The following PRAG1 variants were observed in gnomAD, a reference collection of about 807,000 sequenced individuals.
The protein encoded by PRAG1 is PEAK1 related, kinase-activating pseudokinase 1, also known as inactive tyrosine-protein kinase PRAG1.
PRAG1 carries 110 observed loss-of-function variants against 95.6 expected under a neutral mutation model. The ratio of observed to expected loss-of-function variants is 1.15; its 90% CI spans 0.99 to 1.35. The LOEUF (loss-of-function observed/expected upper bound fraction) is 1.35. Among genes scored for constraint, PRAG1 ranks in the 40% most tolerant of loss-of-function variants. The probability of loss-of-function intolerance (pLI) is 0.00; values close to 1 mark genes in which losing one functional copy is unlikely to be tolerated. For synonymous variants in PRAG1, 1,052 were observed against 819.4 expected, an observed-to-expected ratio of 1.28 and a Z score of -4.85; for missense variants, 2,554 against 1,864.7, an observed-to-expected ratio of 1.37 and a Z score of -6.81.
chr8:8,344,954 CT>C (rs1799284129), intron 3 of PRAG1, among the ~76,000 whole-genome samples: 1 of 151,948 alleles, frequency 6.6e-6, no homozygotes, highest in African/African-American at 2.4e-5. Flanking sequence ...TCTATAGTTA[CT>C]ATAGCAGAAG....
intron 4 of PRAG1, among the ~76,000 whole-genome samples, chr8:8,330,329 G>A (rs1283206100): frequency 3.9e-5 from 6 of 152,188 alleles, no homozygotes; most frequent in Admixed American, 1.3e-4. Context: ...CTGTGCCACC[G>A]CACTCCCACC....
At chr8:8,357,638 CA>C (rs1799722916) in intron 3 of PRAG1, among the ~76,000 whole-genome samples, 1 of 152,112 alleles carries the variant, frequency 6.6e-6, no homozygotes, top group Non-Finnish European at 1.5e-5. Context: ...GGCAGTTCCT[CA>C]AAAAATTAGA....
intron 3 of PRAG1, among the ~76,000 whole-genome samples, chr8:8,352,373 G>A (rs2116870128): frequency 6.6e-6 from 1 of 152,234 alleles, no homozygotes; most frequent in Middle Eastern, 3.4e-3. Flanking sequence ...CCTCATTCCT[G>A]TACCAGGCAG....
Position 8,377,726 on chromosome 8 carries a change from A to C in PRAG1, c.683T>G (p.Leu228Arg). 6.2e-7 allele frequency: 1 copy of C among 1,613,814 alleles called. No individual in the cohort carries two copies. The highest frequency in any genetic ancestry group is 2.2e-5 in the East Asian group (1 of 44,848). ...TSGCHQGPGP[L>R]RESLPSEDDS... ...ATCCTCCGAGGGCAGGGATTCCCGC[A>C]GGGGCCCAGGGCCCTGGTGACAGCC... Residue 228 changes from leucine (L) to arginine (R), a missense_variant, in exon 3 of 6, where the codon CTG becomes CGG. Transcript: ENST00000615670.
chr8:8,328,772 G>A (rs1006820464), intron 4 of PRAG1, among the ~76,000 whole-genome samples: 1 of 150,028 alleles, frequency 6.7e-6, no homozygotes, highest in South Asian at 2.1e-4. Flanking sequence ...GCCTGCACGC[G>A]TGCGCACACA....
chr8:8,318,849 CGGCGGG>C lies in PRAG1; in HGVS notation c.3520_3525del (p.Pro1174_Ala1175del). The C allele has an allele frequency of 1.1e-6, 1 of 930,336 alleles. No individual in the cohort carries two copies. Among genetic ancestry groups the C allele is most frequent in the Non-Finnish European group, 1.3e-6 (1 of 768,008 alleles). 57.6% of individuals were successfully genotyped at this position (930,336 alleles called of 1,614,324 possible). A position where few individuals can be genotyped will look rare whatever the true frequency, so the allele number is the denominator to read the frequency against. On this transcript the variant is annotated inframe_deletion, in exon 6 of 6. Transcript: ENST00000615670. The surrounding 1 kb of genome is among the most constrained non-coding windows in gnomAD (Gnocchi z 4.2). ...GCAGAGGAGCAGGGAGGCGCGGCGGCGGCGGGGGCGGGAGCCGGGGCGGGGGCGGGG... is the reference window on the plus strand; with the variant it reads ...GCAGAGGAGCAGGGAGGCGCGGCGGCGGCGGGAGCCGGGGCGGGGGCGGGG...
Position 8,340,195 on chromosome 8 carries a change from G to C in PRAG1, c.2163-560C>G, listed in dbSNP as rs79472536. Among the ~76,000 whole-genome samples the C allele has an allele frequency of 4.3e-3, 660 of 152,318 alleles. 5 individuals are homozygous for C. The highest frequency in any genetic ancestry group is 0.015 in the African/African-American group (615 of 41,572). ...AACCAGACTTCCAGTGACATGCTTAGATAGAAACAAATTGACATAACCCTT... is the reference window on the plus strand; with the variant it reads ...AACCAGACTTCCAGTGACATGCTTACATAGAAACAAATTGACATAACCCTT... On this transcript the variant is annotated intron_variant, in intron 3 of 5. Coordinates refer to ENST00000615670, the MANE Select transcript of PRAG1 (RefSeq NM_001080826.3).
intron 2 of PRAG1, among the ~76,000 whole-genome samples, chr8:8,380,464 C>T (rs894744923): frequency 4.9e-4 from 75 of 151,916 alleles, no homozygotes; most frequent in African/African-American, 1.7e-3. Context: ...TTGGGCATGG[C>T]AGTATGTACC....
At chr8:8,330,083 G>A (rs1798771449) in intron 4 of PRAG1, among the ~76,000 whole-genome samples, 1 of 152,072 alleles carries the variant, frequency 6.6e-6, no homozygotes, top group Non-Finnish European at 1.5e-5. Context: ...GACTCAACAG[G>A]GGCTGGGCAC....
intron 3 of PRAG1, among the ~76,000 whole-genome samples, chr8:8,346,826 G>A (rs1799358765): frequency 6.6e-6 from 1 of 152,110 alleles, no homozygotes. Context: ...CTTTTGTTTG[G>A]TTCACATACA....
chr8:8,378,027 C>T lies in PRAG1; in HGVS notation c.382G>A (p.Ala128Thr), dbSNP rs371596689. The T allele has an allele frequency of 2.2e-5, 34 of 1,573,016 alleles. No individual in the cohort carries two copies. The highest frequency in any genetic ancestry group is 2.7e-5 in the African/African-American group (2 of 73,952). Residue 128 changes from alanine (A) to threonine (T), a missense_variant, in exon 3 of 6, where the codon GCC becomes ACC. Ala to Thr is a moderately conservative substitution (Grantham distance 58). Coordinates refer to ENST00000615670, the MANE Select transcript of PRAG1 (RefSeq NM_001080826.3). ...GKLPLPKQED[A>T]PVVYLGSFRG... ...AAGCTGCCCAGGTAGACGACGGGGGCATCCTCCTGCTTCGGGAGGGGGAGC... is the reference window on the plus strand; with the variant it reads ...AAGCTGCCCAGGTAGACGACGGGGGTATCCTCCTGCTTCGGGAGGGGGAGC...
intron 3 of PRAG1, among the ~76,000 whole-genome samples, chr8:8,360,917 C>T (rs765849946): frequency 6.6e-6 from 1 of 152,160 alleles, no homozygotes; most frequent in African/African-American, 2.4e-5. Context: ...TAATCTGCTG[C>T]CAGAATATTT....
chr8:8,336,496 G>A (rs1798987906), intron 4 of PRAG1, among the ~76,000 whole-genome samples: 1 of 152,150 alleles, frequency 6.6e-6, no homozygotes, highest in Non-Finnish European at 1.5e-5. Context: ...TGAGTTGACT[G>A]GCTGTTCAAT....
At chr8:8,378,782 G>C (rs368837718) in intron 2 of PRAG1, among the ~76,000 whole-genome samples, 1 of 151,972 alleles carries the variant, frequency 6.6e-6, no homozygotes, top group African/African-American at 2.4e-5. Flanking sequence ...GATGTCTTGA[G>C]CCCAGGAGGC....
At chr8:8,355,705 G>A (rs1274508912) in intron 3 of PRAG1, among the ~76,000 whole-genome samples, 1 of 152,060 alleles carries the variant, frequency 6.6e-6, no homozygotes, top group East Asian at 1.9e-4. Context: ...AATGGTGCTG[G>A]GAAAACTGTA....
At chr8:8,384,183 T>C (rs1438433885) in intron 1 of PRAG1, among the ~76,000 whole-genome samples, 3 of 152,134 alleles carry the variant, frequency 2.0e-5, no homozygotes, top group African/African-American at 7.2e-5. Flanking sequence ...AAAGCAGCAG[T>C]TCTGCTTGGC....
chr8:8,356,514 T>A (rs1354933280), intron 3 of PRAG1, among the ~76,000 whole-genome samples: 1 of 152,062 alleles, frequency 6.6e-6, no homozygotes, highest in Non-Finnish European at 1.5e-5. Flanking sequence ...CCCAGCTAAT[T>A]TTTTTGTATT....
chr8:8,317,951 G>C lies in PRAG1; in HGVS notation c.*203C>G. ...CAGGGAGGACTTAGTGCAGAGAGGA[G>C]ACGAGTGTGGACGGGCAACAGCATC... On this transcript the variant is annotated 3_prime_UTR_variant, in exon 6 of 6. Transcript: ENST00000615670. 5.4e-6 allele frequency: 2 copies of C among 368,182 alleles called. No individual in the cohort carries two copies. Among genetic ancestry groups the C allele is most frequent in the Non-Finnish European group, 9.3e-6 (2 of 215,160 alleles). 22.8% of individuals were successfully genotyped at this position (368,182 alleles called of 1,614,324 possible).
chr8:8,382,703 A>C (rs1407045824), intron 1 of PRAG1, among the ~76,000 whole-genome samples: 2 of 152,246 alleles, frequency 1.3e-5, no homozygotes, highest in Non-Finnish European at 2.9e-5. Context: ...AACAGTTTGC[A>C]CCATGGTCCC....
Sources: allele counts gnomAD v4.1 joint callset (sites outside exome capture counted in the v4.1 genomes callset), GRCh38; gene constraint gnomAD v4.1.1; non-coding constraint Gnocchi (gnomAD v3.1); transcripts MANE v1.5; gene names NCBI Gene and HGNC (gene_info 2026-07-23, HGNC 2026-07-21).